KCNIP4: variants seen among roughly 807,000 people sequenced by gnomAD.
KCNIP4 encodes potassium voltage-gated channel interacting protein 4, also known as Kv channel-interacting protein 4.
KCNIP4 carries 12 observed loss-of-function variants against 34.0 expected under a neutral mutation model. The observed-to-expected ratio is 0.35, with a 90% CI of 0.23 to 0.57. KCNIP4 has a LOEUF of 0.57. Among genes scored for constraint, KCNIP4 ranks in the 20% least tolerant of loss-of-function variants. KCNIP4 has a pLI of 0.83. For missense variants in KCNIP4, 238 were observed against 311.7 expected (o/e 0.76, Z 1.78); for synonymous variants, 124 against 102.2 (o/e 1.21, Z -1.29).
intron 3 of KCNIP4, among the ~76,000 whole-genome samples, chr4:20,771,646 C>A (rs966018141): frequency 2.6e-5 from 4 of 151,700 alleles, no homozygotes; most frequent in African/African-American, 9.7e-5. Flanking sequence ...TTTGAGAAAG[C>A]ATAGGAATTG....
chr4:21,047,428 C>T (rs770062530), intron 1 of KCNIP4, among the ~76,000 whole-genome samples: 3 of 152,138 alleles, frequency 2.0e-5, no homozygotes, highest in Non-Finnish European at 2.9e-5. Flanking sequence ...GATAGACATT[C>T]TGATGAGTTT....
At chr4:20,730,209 T>G in intron 8 of KCNIP4, 80 bp from the exon 9 acceptor site, 1 of 1,477,236 alleles carries the variant, frequency 6.8e-7, no homozygotes. Context: ...GAGTATTGCC[T>G]CCTCCCATCA....
At chr4:21,239,034 C>A (rs1451382077) in intron 1 of KCNIP4, among the ~76,000 whole-genome samples, 1 of 151,698 alleles carries the variant, frequency 6.6e-6, no homozygotes, top group Non-Finnish European at 1.5e-5. Context: ...GAGATATAGA[C>A]CAATGGAACA....
rs548550069 is a variant in KCNIP4, at chr4:20,862,187, C to T, written c.164-11520G>A. 3.5e-3 allele frequency among the ~76,000 whole-genome samples: 536 copies of T among 151,946 alleles called. 2 individuals are homozygous for T. Among genetic ancestry groups the T allele is most frequent in the African/African-American group, 4.7e-3 (194 of 41,434 alleles). ...TGTATGTTTAGTAGAGACGGGGTTTCGCTATGTTGGCCAGGCTGGTCTCAA... is the reference window on the plus strand; with the variant it reads ...TGTATGTTTAGTAGAGACGGGGTTTTGCTATGTTGGCCAGGCTGGTCTCAA... On this transcript the variant is annotated intron_variant, in intron 2 of 8. Coordinates refer to ENST00000382152, the MANE Select transcript of KCNIP4 (RefSeq NM_025221.6).
chr4:21,110,431 A>G (rs1749057782), intron 1 of KCNIP4, among the ~76,000 whole-genome samples: 1 of 152,246 alleles, frequency 6.6e-6, no homozygotes, highest in African/African-American at 2.4e-5. Context: ...AAATACTGAG[A>G]GAATTAAGTT....
In KCNIP4 at chr4:21,386,806, C is replaced by G. The variant is rs1394715278; in HGVS notation, c.62-504097G>C. ...TTTGGAGGGGCAGCTTATCTTTTTG[C>G]AGGTATACTCAGTCAACTACATCAC... On this transcript the variant is annotated intron_variant, in intron 1 of 8. Coordinates refer to ENST00000382152, the MANE Select transcript of KCNIP4 (RefSeq NM_025221.6). Among the ~76,000 whole-genome samples, 5 of 152,122 alleles carry G rather than the reference C, an allele frequency of 3.3e-5. No individual in the cohort carries two copies. In the East Asian group the frequency reaches 9.7e-4, roughly 29 times the overall value.
At position 21,528,200 on chromosome 4, in the gene KCNIP4, C is replaced by T. The variant is rs77925837; in HGVS notation, c.61+420371G>A. Among the ~76,000 whole-genome samples, 377 of 152,218 alleles carry T rather than the reference C, an allele frequency of 2.5e-3. 3 individuals are homozygous for T. The highest frequency in any genetic ancestry group is 8.8e-3 in the African/African-American group (366 of 41,522). On this transcript the variant is annotated intron_variant, in intron 1 of 8. Transcript: ENST00000382152. ...TTTTTAAACACTCAGCTTTGCAGTA[C>T]TTTAAACTACTTTGCAGTCTCTAAA...
At chr4:21,905,272 A>T (rs1474573045) in intron 1 of KCNIP4, among the ~76,000 whole-genome samples, 1 of 152,094 alleles carries the variant, frequency 6.6e-6, no homozygotes, top group African/African-American at 2.4e-5. Flanking sequence ...TGTGTCTCTT[A>T]AAGCAAGGTT....
At chr4:20,776,279 T>G (rs944837317) in intron 3 of KCNIP4, among the ~76,000 whole-genome samples, 1 of 152,158 alleles carries the variant, frequency 6.6e-6, no homozygotes, top group East Asian at 1.9e-4. Context: ...AAACAATGCA[T>G]GTTTTTGTTT....
chr4:21,436,361 G>A (rs1259445877), intron 1 of KCNIP4, among the ~76,000 whole-genome samples: 2 of 152,144 alleles, frequency 1.3e-5, no homozygotes, highest in South Asian at 4.1e-4. Context: ...GGAACTTGAG[G>A]TTGCCTTATA....
chr4:20,763,421 G>A (rs549956979), intron 3 of KCNIP4, among the ~76,000 whole-genome samples: 12 of 152,198 alleles, frequency 7.9e-5, no homozygotes, highest in Admixed American at 5.2e-4. Flanking sequence ...AACATATGGC[G>A]CCAACAGTCT....
intron 1 of KCNIP4, among the ~76,000 whole-genome samples, chr4:21,726,426 A>G (rs1245945629): frequency 4.6e-5 from 7 of 152,192 alleles, no homozygotes; most frequent in Admixed American, 4.6e-4. Flanking sequence ...GATAAGTCTC[A>G]CGTAGCAGAG....
intron 1 of KCNIP4, among the ~76,000 whole-genome samples, chr4:21,684,742 AT>A (rs1348993511): frequency 6.6e-6 from 1 of 152,156 alleles, no homozygotes; most frequent in Non-Finnish European, 1.5e-5. Context: ...ATATGTATAC[AT>A]GTGCCATGTT....
At chr4:21,341,468 A>C (rs899187363) in intron 1 of KCNIP4, among the ~76,000 whole-genome samples, 5 of 152,182 alleles carry the variant, frequency 3.3e-5, no homozygotes, top group Admixed American at 1.3e-4. Context: ...GCATTTTGAT[A>C]TCTTTATGCA....
intron 2 of KCNIP4, among the ~76,000 whole-genome samples, chr4:20,874,722 C>A (rs1426512646): frequency 1.3e-5 from 2 of 150,826 alleles, no homozygotes; most frequent in Admixed American, 6.6e-5. Context: ...GAGATTATAA[C>A]CCTTGTGATC....
intron 1 of KCNIP4, among the ~76,000 whole-genome samples, chr4:21,857,018 A>T (rs908594014): frequency 6.6e-6 from 1 of 152,216 alleles, no homozygotes; most frequent in East Asian, 2.0e-4. Flanking sequence ...CATCATGAAC[A>T]GTGGCAGGAG....
chr4:21,354,350 T>C (rs1353737763), intron 1 of KCNIP4, among the ~76,000 whole-genome samples: 1 of 152,122 alleles, frequency 6.6e-6, no homozygotes, highest in Non-Finnish European at 1.5e-5. Flanking sequence ...AGACATAGAC[T>C]GGTAAATTGG....
chr4:20,941,757 A>G (rs1731661529), intron 1 of KCNIP4, among the ~76,000 whole-genome samples: 2 of 152,246 alleles, frequency 1.3e-5, no homozygotes, highest in Admixed American at 6.5e-5. Context: ...ACATGAATAT[A>G]TCTTCCAGAG....
At chr4:20,830,294 G>T (rs1429926107) in intron 3 of KCNIP4, among the ~76,000 whole-genome samples, 1 of 152,096 alleles carries the variant, frequency 6.6e-6, no homozygotes, top group Non-Finnish European at 1.5e-5. Flanking sequence ...ACTTCATATA[G>T]AATCTAAATG....
Sources: gnomAD v4.1 joint callset for allele counts (sites outside exome capture counted in the v4.1 genomes callset) on GRCh38, gnomAD v4.1.1 for gene constraint, MANE v1.5 for transcripts, NCBI Gene and HGNC (gene_info 2026-07-23, HGNC 2026-07-21) for gene names.